Variants in OR52E4 observed in about 807,000 individuals in gnomAD.
The protein encoded by OR52E4 is olfactory receptor 52E4.
For synonymous variants in OR52E4, 169 were observed against 137.4 expected, an observed-to-expected ratio of 1.23 and a Z score of -1.61; for missense variants, 444 against 383.8, an observed-to-expected ratio of 1.16 and a Z score of -1.31.
At chr11:5,881,429 G>A (rs1209035184) in intron 1 of OR52E4, among the ~76,000 whole-genome samples, 2 of 152,120 alleles carry the variant, frequency 1.3e-5, no homozygotes, top group African/African-American at 4.8e-5. Flanking sequence ...GATTGGGAAA[G>A]CTGTAAGAAT....
chr11:5,883,662 T>C (rs1161629538), intron 1 of OR52E4, among the ~76,000 whole-genome samples: 6 of 151,952 alleles, frequency 3.9e-5, no homozygotes, highest in Non-Finnish European at 8.8e-5. Flanking sequence ...GTAAAAATGG[T>C]ATCATTTTCC....
chr11:5,882,766 C>T lies in OR52E4; in HGVS notation c.-74-1453C>T, dbSNP rs144191533. Among the ~76,000 whole-genome samples the T allele has an allele frequency of 2.0e-5, 3 of 151,998 alleles. No individual in the cohort carries two copies. In the East Asian group the frequency reaches 5.8e-4, roughly 29 times the overall value. On this transcript the variant is annotated intron_variant, in intron 1 of 1. Transcript: ENST00000641726. The stretch of plus-strand genomic sequence containing the variant: ...ACACACTCACACACAAACAAAAGCA[C>T]ACTTATTACAAACCCCAACTCTGAT...
chr11:5,884,452 G>C lies in OR52E4; in HGVS notation c.160G>C (p.Glu54Gln). ...NMTILFVIKT[E>Q]HSLHQPMFYF... ...GACCATTCTCTTTGTGATCAAAACT[G>C]AACATAGTCTACACCAGCCCATGTT... is the stretch of plus-strand genomic sequence containing the variant. Residue 54 changes from glutamate (E) to glutamine (Q), a missense_variant, in exon 2 of 2, where the codon GAA (glutamate) becomes CAA (glutamine). Glu to Gln is a conservative substitution (Grantham distance 29). Transcript: ENST00000641726. 1 of 1,613,486 alleles carries C rather than the reference G, an allele frequency of 6.2e-7. No individual in the cohort carries two copies. The highest frequency in any genetic ancestry group is 1.3e-5 in the African/African-American group (1 of 74,956).
At chr11:5,884,115 T>C (rs1318460286) in intron 1 of OR52E4, 104 bp from the exon 2 acceptor site, 3 of 577,994 alleles carry the variant, frequency 5.2e-6, no homozygotes, top group Non-Finnish European at 9.2e-6. Flanking sequence ...GTTGAGAGGC[T>C]TCCTCGATTA....
intron 1 of OR52E4, among the ~76,000 whole-genome samples, chr11:5,882,510 T>C (rs1161915834): frequency 6.6e-6 from 1 of 152,024 alleles, no homozygotes; most frequent in Admixed American, 6.6e-5. Flanking sequence ...CAATTTTCTC[T>C]CAGCTTCTCG....
At chr11:5,882,698 G>GTCTCTCTCTCTC (rs779364972) in intron 1 of OR52E4, among the ~76,000 whole-genome samples, 1 of 109,038 alleles carries the variant, frequency 9.2e-6, no homozygotes, top group Non-Finnish European at 2.1e-5. Flanking sequence ...AACCTTCTCC[G>GTCTCTCTCTCTC]TCTCTCTCTC....
chr11:5,881,372 G>T (rs951223631), intron 1 of OR52E4, among the ~76,000 whole-genome samples: 1 of 152,070 alleles, frequency 6.6e-6, no homozygotes, highest in African/African-American at 2.4e-5. Flanking sequence ...CCTGAATGAA[G>T]GTATTTATCC....
rs1564992693 is a variant in OR52E4, at chr11:5,886,398, A to G, written c.*1167A>G. ...AAGCAAAGTCATTTTAGATGTGACT[A>G]CTTGTATGTGTCGCCTGTCTAATTC... On this transcript the variant is annotated 3_prime_UTR_variant, in exon 2 of 2. Coordinates refer to ENST00000641726, the MANE Select transcript of OR52E4 (RefSeq NM_001005165.2). The G allele has an allele frequency of 6.6e-6, 1 of 152,002 alleles. No homozygotes were observed. The highest frequency in any genetic ancestry group is 1.5e-5 in the Non-Finnish European group (1 of 67,984). 9.4% of individuals were successfully genotyped at this position (152,002 alleles called of 1,614,324 possible).
intron 1 of OR52E4, among the ~76,000 whole-genome samples, chr11:5,882,830 T>C (rs1365340221): frequency 2.6e-5 from 4 of 152,036 alleles, no homozygotes; most frequent in African/African-American, 9.7e-5. Flanking sequence ...AACATTCATG[T>C]GGCAGTTTTG....
In OR52E4 at chr11:5,885,114, T is replaced by C. The variant is rs368766015; in HGVS notation, c.822T>C (p.His274=). The part of the protein sequence containing the change: ...RFGQNIPHYI[H]ILLANLYVVV... The stretch of plus-strand genomic sequence containing the variant: ...GCCAAAACATTCCCCACTATATCCA[T>C]ATTCTTTTGGCTAACCTGTATGTGG... Residue 274 remains histidine, a synonymous_variant, in exon 2 of 2, where the codon CAT becomes CAC. Coordinates refer to ENST00000641726, the MANE Select transcript of OR52E4 (RefSeq NM_001005165.2). 2 of 1,613,260 alleles carry C rather than the reference T, an allele frequency of 1.2e-6. No homozygotes were observed. Among genetic ancestry groups the C allele is most frequent in the Non-Finnish European group, 1.7e-6 (2 of 1,179,598 alleles).
Position 5,884,583 on chromosome 11 carries a change from G to A in OR52E4, c.291G>A (p.Gly97=), listed in dbSNP as rs528105069. The change falls in exon 2 of 2, where the codon GGG becomes GGA. Residue 97 remains glycine (G), a synonymous_variant. Transcript: ENST00000641726. Reference sequence around the variant, plus strand: ...TCAACCTCCAAGAGATCAGCTTTGGGGGATGCCTTCTTCAGATGTTCTTTA... The same window carrying A: ...TCAACCTCCAAGAGATCAGCTTTGGAGGATGCCTTCTTCAGATGTTCTTTA... ...FWFNLQEISF[G]GCLLQMFFIH... The A allele has an allele frequency of 1.1e-5, 18 of 1,613,364 alleles. No individual in the cohort carries two copies. The highest frequency in any genetic ancestry group is 1.1e-4 in the South Asian group (10 of 91,060).
rs567980558 is a variant in OR52E4 at position 5,885,265 on chromosome 11, T to G, written c.*34T>G. 7 of 1,369,588 alleles carry G rather than the reference T, an allele frequency of 5.1e-6. No individual in the cohort carries two copies. The African/African-American group carries it at 1.0e-4, about 20-fold the overall frequency. The allele number at this position is 1,369,588 out of a possible 1,614,324, so 84.8% of individuals were successfully genotyped here. A position where few individuals can be genotyped will look rare whatever the true frequency, so the allele number is the denominator to read the frequency against. ...TAAAGTTTGGATAAATATATCTATATACAACCCAAATTATCATCATCTGAG... is the reference window on the plus strand; with the variant it reads ...TAAAGTTTGGATAAATATATCTATAGACAACCCAAATTATCATCATCTGAG... On this transcript the variant is annotated 3_prime_UTR_variant, in exon 2 of 2. Coordinates refer to ENST00000641726, the MANE Select transcript of OR52E4 (RefSeq NM_001005165.2).
chr11:5,883,134 A>G (rs1374273414), intron 1 of OR52E4, among the ~76,000 whole-genome samples: 1 of 152,020 alleles, frequency 6.6e-6, no homozygotes, highest in Non-Finnish European at 1.5e-5. Context: ...AATTTTTTTT[A>G]TGTTACTAAC....
intron 1 of OR52E4, among the ~76,000 whole-genome samples, chr11:5,883,267 T>C (rs10500657): frequency 0.81 from 123,434 of 151,932 alleles, 50,252 homozygotes; most frequent in African/African-American, 0.86. Context: ...TTCATGAAGA[T>C]TTAGAAGCAT....
At position 5,884,925 on chromosome 11, in the gene OR52E4, T is replaced by A; in HGVS notation, c.633T>A (p.Asp211Glu). The change falls in exon 2 of 2, where the codon GAT (aspartate) becomes GAA (glutamate). Residue 211 changes from aspartate (D) to glutamate (E), a missense_variant. Transcript: ENST00000641726. The stretch of plus-strand genomic sequence containing the variant: ...TGGTGATTTCTTATATTATTGTGGA[T>A]GTGATCTTAATTGCCTCTTCCTATG... ...GLMVISYIIV[D>E]VILIASSYVL... The A allele has an allele frequency of 2.5e-6, 4 of 1,613,066 alleles. No homozygotes were observed. Among genetic ancestry groups the A allele is most frequent in the Non-Finnish European group, 3.4e-6 (4 of 1,179,214 alleles).
In OR52E4 at chr11:5,880,638, A is replaced by C. The variant is rs1846950855; in HGVS notation, c.-151A>C. The C allele has an allele frequency of 6.6e-6, 1 of 152,162 alleles. No individual in the cohort carries two copies. Among genetic ancestry groups the C allele is most frequent in the African/African-American group, 2.4e-5 (1 of 41,442 alleles). The allele number at this position is 152,162 out of a possible 1,614,324, so 9.4% of individuals were successfully genotyped here. A position where few individuals can be genotyped will look rare whatever the true frequency, so the allele number is the denominator to read the frequency against. ...TGCTCAGAGGCTTCAAGGGGAACCT[A>C]ATCACGGTCTTTAAGAACCTGGACT... On this transcript the variant is annotated 5_prime_UTR_variant, in exon 1 of 2. Coordinates refer to ENST00000641726, the MANE Select transcript of OR52E4 (RefSeq NM_001005165.2).
In OR52E4 at chr11:5,885,535, A is replaced by G. The variant is rs1170025445; in HGVS notation, c.*304A>G. On this transcript the variant is annotated 3_prime_UTR_variant, in exon 2 of 2. Transcript: ENST00000641726. ...GTGATAGGTAGCTCCATTTTTTTCCATATGTCTTCTCTCTAGGTAAGTTTA... is the reference window on the plus strand; with the variant it reads ...GTGATAGGTAGCTCCATTTTTTTCCGTATGTCTTCTCTCTAGGTAAGTTTA... The G allele has an allele frequency of 1.7e-5, 4 of 240,664 alleles. No homozygotes were observed. The highest frequency in any genetic ancestry group is 4.5e-5 in the African/African-American group (2 of 44,074). The allele number at this position is 240,664 out of a possible 1,614,324, so 14.9% of individuals were successfully genotyped here. A position where few individuals can be genotyped will look rare whatever the true frequency, so the allele number is the denominator to read the frequency against.
Position 5,884,562 on chromosome 11 carries a change from C to A in OR52E4, c.270C>A (p.Asn90Lys). 4 of 1,613,522 alleles carry A rather than the reference C, an allele frequency of 2.5e-6. No individual in the cohort carries two copies. Among genetic ancestry groups the A allele is most frequent in the Non-Finnish European group, 3.4e-6 (4 of 1,179,716 alleles). The part of the protein sequence containing the change: ...IPKMLGIFWF[N>K]LQEISFGGCL... Reference sequence around the variant, plus strand: ...AAATGCTAGGAATCTTCTGGTTCAACCTCCAAGAGATCAGCTTTGGGGGAT... The same window carrying A: ...AAATGCTAGGAATCTTCTGGTTCAAACTCCAAGAGATCAGCTTTGGGGGAT... Residue 90 changes from asparagine (N) to lysine (K), a missense_variant, in exon 2 of 2, where the codon AAC becomes AAA. Transcript: ENST00000641726.
chr11:5,885,168 T>G lies in OR52E4; in HGVS notation c.876T>G (p.Ile292Met). The G allele has an allele frequency of 6.2e-7, 1 of 1,613,210 alleles. No homozygotes were observed. Among genetic ancestry groups the G allele is most frequent in the Non-Finnish European group, 8.5e-7 (1 of 1,179,560 alleles). ...TCCCACCTGCCCTTAACCCTGTCAT[T>G]TATGGAGTCAGGACCAAGCAGATCC... is the stretch of plus-strand genomic sequence containing the variant. ...VVVPPALNPV[I>M]YGVRTKQIRE... The change falls in exon 2 of 2, where the codon ATT (isoleucine) becomes ATG (methionine). Residue 292 changes from isoleucine to methionine, a missense_variant. Physicochemically the swap from Ile to Met is conservative, Grantham distance 10 (BLOSUM62 1). Transcript: ENST00000641726.
Sources: gnomAD v4.1 joint callset for allele counts (sites outside exome capture counted in the v4.1 genomes callset) on GRCh38, gnomAD v4.1.1 for gene constraint, MANE v1.5 for transcripts, NCBI Gene and HGNC (gene_info 2026-07-23, HGNC 2026-07-21) for gene names.